Variants in TRPM3 observed in about 807,000 individuals in gnomAD.
The protein encoded by TRPM3 is long transient receptor potential channel 3.
Under a neutral mutation model 181.2 loss-of-function variants are expected in TRPM3, and 77 were observed. The observed-to-expected ratio is 0.42, with a 90% CI of 0.35 to 0.51. TRPM3 has a LOEUF of 0.51. Among genes scored for constraint, TRPM3 ranks in the 20% least tolerant of loss-of-function variants. The pLI, the probability that TRPM3 is intolerant of heterozygous loss-of-function variation, is 0.01. For missense variants in TRPM3, 1,759 were observed against 2,196.7 expected (o/e 0.80, Z 3.98); for synonymous variants, 745 against 796.4 (o/e 0.94, Z 1.09).
chr9:71,356,271 G>C (rs1297335668), intron 1 of TRPM3, among the ~76,000 whole-genome samples: 1 of 152,002 alleles, frequency 6.6e-6, no homozygotes. Flanking sequence ...GGGGGTCTGT[G>C]GTATGGATTA....
At chr9:71,313,972 C>T (rs188298257) in intron 1 of TRPM3, among the ~76,000 whole-genome samples, 8 of 152,116 alleles carry the variant, frequency 5.3e-5, no homozygotes, top group African/African-American at 1.9e-4. Flanking sequence ...AGATCATATT[C>T]CTATCTTGTT....
intron 1 of TRPM3, among the ~76,000 whole-genome samples, chr9:71,132,402 T>C (rs1381876840): frequency 1.3e-5 from 2 of 152,194 alleles, no homozygotes; most frequent in East Asian, 3.8e-4. Context: ...CTCAAAATTA[T>C]GTATGAAATT....
In TRPM3 at chr9:71,268,120, C is replaced by T. The variant is rs142239304; in HGVS notation, c.183+178533G>A. Among the ~76,000 whole-genome samples the T allele has an allele frequency of 6.1e-3, 926 of 152,276 alleles. 5 individuals carry two copies. The highest frequency in any genetic ancestry group is 0.019 in the African/African-American group (788 of 41,552). On this transcript the variant is annotated intron_variant, in intron 1 of 24. Coordinates refer to the TRPM3 transcript ENST00000357533. ...CTTGGGCTGGGTGTGGTGGCTCAAG[C>T]CTGTAATCTCAGCACTTTGGGAGAC...
intron 1 of TRPM3, among the ~76,000 whole-genome samples, chr9:70,997,603 G>C (rs2097552414): frequency 6.6e-6 from 1 of 152,070 alleles, no homozygotes; most frequent in African/African-American, 2.4e-5. Flanking sequence ...TAGCAAATCA[G>C]AGTAGAGGAA....
At chr9:70,646,255 T>C (rs1171798435) in intron 9 of TRPM3, among the ~76,000 whole-genome samples, 1 of 152,038 alleles carries the variant, frequency 6.6e-6, no homozygotes, top group Non-Finnish European at 1.5e-5. Context: ...AATCATTCTA[T>C]GAAGACACAT....
At chr9:71,400,184 C>T (rs2093309335) in intron 1 of TRPM3, among the ~76,000 whole-genome samples, 1 of 152,124 alleles carries the variant, frequency 6.6e-6, no homozygotes, top group African/African-American at 2.4e-5. Flanking sequence ...CATTTTGCCA[C>T]TCCTGGACTC....
intron 19 of TRPM3, 52 bp downstream of exon 19, chr9:70,610,557 C>A: frequency 1.9e-6 from 3 of 1,588,584 alleles, no homozygotes; most frequent in Non-Finnish European, 2.6e-6. Context: ...GAGAAATGGA[C>A]GTTGGCTCCT....
intron 7 of TRPM3, chr9:70,776,126 T>A: frequency 4.2e-6 from 1 of 238,624 alleles, no homozygotes; most frequent in African/African-American, 2.2e-5. Flanking sequence ...AATTTGAGAA[T>A]CATGGTCTAG....
intron 1 of TRPM3, among the ~76,000 whole-genome samples, chr9:70,984,819 G>A (rs186554400): frequency 6.5e-4 from 99 of 152,280 alleles, no homozygotes; most frequent in Non-Finnish European, 1.3e-3. Context: ...AATTTTAAGA[G>A]AACAAATTAA....
intron 1 of TRPM3, among the ~76,000 whole-genome samples, chr9:71,082,707 G>A (rs890101618): frequency 1.3e-5 from 2 of 151,998 alleles, no homozygotes; most frequent in Admixed American, 6.6e-5. Flanking sequence ...GTCAAATCAA[G>A]GTTGTTACTG....
intron 1 of TRPM3, among the ~76,000 whole-genome samples, chr9:71,271,894 A>C (rs1055466026): frequency 2.0e-5 from 3 of 152,188 alleles, no homozygotes; most frequent in African/African-American, 7.2e-5. Flanking sequence ...AAAAAAAGAT[A>C]AAGATCTATT....
chr9:70,605,371 G>A (rs2060863950), intron 19 of TRPM3, among the ~76,000 whole-genome samples: 1 of 152,080 alleles, frequency 6.6e-6, no homozygotes, highest in Non-Finnish European at 1.5e-5. Context: ...AAGTATGTCG[G>A]AGTTAAATAA....
chr9:70,561,176 T>C (rs2048973259), intron 22 of TRPM3, among the ~76,000 whole-genome samples: 1 of 152,214 alleles, frequency 6.6e-6, no homozygotes, highest in Admixed American at 6.6e-5. Flanking sequence ...GAAAGGATTT[T>C]CATCTAAAAA....
At chr9:71,367,943 T>TTGTGTGTG (rs35334724) in intron 1 of TRPM3, among the ~76,000 whole-genome samples, 13 of 150,736 alleles carry the variant, frequency 8.6e-5, no homozygotes, top group Admixed American at 3.3e-4. Flanking sequence ...TCCTAAGCAT[T>TTGTGTGTG]TGTGTGTGTG....
intron 7 of TRPM3, among the ~76,000 whole-genome samples, chr9:70,767,223 A>G (rs1426823051): frequency 2.6e-5 from 4 of 152,202 alleles, no homozygotes; most frequent in African/African-American, 7.2e-5. Flanking sequence ...GTCAGAGACC[A>G]CCAGTTCTTT....
At chr9:71,365,532 G>T (rs1450264458) in intron 1 of TRPM3, among the ~76,000 whole-genome samples, 3 of 152,242 alleles carry the variant, frequency 2.0e-5, no homozygotes, top group South Asian at 4.1e-4. Flanking sequence ...GTAACATACG[G>T]ATTATGATTT....
At chr9:70,844,632 T>C (rs990909923) in intron 4 of TRPM3, among the ~76,000 whole-genome samples, 2 of 152,244 alleles carry the variant, frequency 1.3e-5, no homozygotes, top group Non-Finnish European at 2.9e-5. Flanking sequence ...CAATACTTCT[T>C]ACCTAACTTT....
intron 1 of TRPM3, among the ~76,000 whole-genome samples, chr9:70,976,916 T>A (rs2097308461): frequency 6.6e-6 from 1 of 152,204 alleles, no homozygotes; most frequent in Non-Finnish European, 1.5e-5. Context: ...TGGGCAGGTT[T>A]CTGAATGACC....
intron 9 of TRPM3, among the ~76,000 whole-genome samples, chr9:70,661,116 G>C (rs926100466): frequency 2.8e-5 from 4 of 142,332 alleles, no homozygotes; most frequent in Admixed American, 1.4e-4. Flanking sequence ...CAGGAATGCA[G>C]GAATGGTTTA....
Sources: allele counts gnomAD v4.1 joint callset (sites outside exome capture counted in the v4.1 genomes callset), GRCh38; gene constraint gnomAD v4.1.1; transcripts MANE v1.5; gene names NCBI Gene and HGNC (gene_info 2026-07-23, HGNC 2026-07-21).